Variants in KIF2A observed in about 807,000 individuals in gnomAD.
KIF2A encodes the protein kinesin family member 2A, also known as kinesin-like protein KIF2A.
Under a neutral mutation model 100.2 loss-of-function variants are expected in KIF2A, and 22 were observed. That is an observed-to-expected ratio of 0.22 (90% CI 0.16 to 0.31). The LOEUF is 0.31. Ranked by LOEUF, KIF2A falls within the 10% of genes least tolerant of loss-of-function variation. The pLI is 1.00. For synonymous variants in KIF2A, 268 were observed against 285.9 expected, an observed-to-expected ratio of 0.94 and a Z score of 0.63; for missense variants, 495 against 898.7, an observed-to-expected ratio of 0.55 and a Z score of 5.74.
At chr5:62,380,308 C>T (rs1741718692) in intron 19 of KIF2A, among the ~76,000 whole-genome samples, 1 of 152,218 alleles carries the variant, frequency 6.6e-6, no homozygotes, top group South Asian at 2.1e-4. Context: ...CTTTATTATG[C>T]ACATTCTTCC....
rs566602439 is a variant in KIF2A at position 62,387,836 on chromosome 5, TA to T, written c.*2268del. On this transcript the variant is annotated 3_prime_UTR_variant, in exon 21 of 21. Transcript: ENST00000407818. ...TGGATTATACATTAAGAACAAGCAT[TA>T]TTTTAATTATGTAGTAACATTTACT... is the stretch of plus-strand genomic sequence containing the variant. 137 of 152,256 alleles carry T rather than the reference TA, an allele frequency of 9.0e-4. No homozygotes were observed. Among genetic ancestry groups the T allele is most frequent in the African/African-American group, 3.1e-3 (129 of 41,568 alleles). The allele number at this position is 152,256 out of a possible 1,614,324, so 9.4% of individuals were successfully genotyped here. A position where few individuals can be genotyped will look rare whatever the true frequency, so the allele number is the denominator to read the frequency against.
rs190983779 is a variant in KIF2A at position 62,385,602 on chromosome 5, C to G, written c.*33C>G. 2.8e-4 allele frequency: 398 copies of G among 1,439,040 alleles called. 2 individuals are homozygous for G. In the East Asian group the frequency reaches 7.3e-3, roughly 26 times the overall value. The allele number at this position is 1,439,040 out of a possible 1,614,324, so 89.1% of individuals were successfully genotyped here. A position where few individuals can be genotyped will look rare whatever the true frequency, so the allele number is the denominator to read the frequency against. On this transcript the variant is annotated 3_prime_UTR_variant, in exon 21 of 21. Coordinates refer to ENST00000407818, the MANE Select transcript of KIF2A (RefSeq NM_001098511.3). ...TTTGCTGCTAAAGGATACCCAGAAC[C>G]CTCACTACTGTAACATACAACGGTT...
At chr5:62,354,633 T>TG (rs1748008268) in intron 6 of KIF2A, among the ~76,000 whole-genome samples, 1 of 152,088 alleles carries the variant, frequency 6.6e-6, no homozygotes, top group African/African-American at 2.4e-5. Flanking sequence ...TCTGTTGATT[T>TG]GGGGCAGTTT....
intron 14 of KIF2A, among the ~76,000 whole-genome samples, chr5:62,364,640 G>T (rs868375087): frequency 7.9e-5 from 12 of 152,240 alleles, no homozygotes; most frequent in African/African-American, 2.9e-4. Flanking sequence ...CTTTTGGAGT[G>T]CCATGTTAAG....
chr5:62,338,109 T>G (rs1419605806), intron 1 of KIF2A, among the ~76,000 whole-genome samples: 2 of 152,162 alleles, frequency 1.3e-5, no homozygotes, highest in African/African-American at 4.8e-5. Flanking sequence ...ATACTAAATG[T>G]AATTTTAGTT....
intron 1 of KIF2A, among the ~76,000 whole-genome samples, chr5:62,307,533 AATT>A (rs1485088083): frequency 8.5e-5 from 13 of 152,158 alleles, no homozygotes; most frequent in Admixed American, 8.5e-4. Context: ...AGATAAGTAA[AATT>A]ATTTTCTTTC....
At chr5:62,331,802 T>A (rs1424553270) in intron 1 of KIF2A, among the ~76,000 whole-genome samples, 2 of 151,222 alleles carry the variant, frequency 1.3e-5, no homozygotes, top group African/African-American at 4.9e-5. Flanking sequence ...ATCCTAGGTA[T>A]GTCAGAAACA....
At chr5:62,338,170 A>C (rs7704066) in intron 1 of KIF2A, among the ~76,000 whole-genome samples, 35,465 of 152,166 alleles carry the variant, frequency 0.23, 4,244 homozygotes, top group Middle Eastern at 0.29. Flanking sequence ...CACAGGTAGT[A>C]TTGCTGATAA....
At chr5:62,380,138 C>T (rs1212566051) in intron 19 of KIF2A, among the ~76,000 whole-genome samples, 2 of 152,226 alleles carry the variant, frequency 1.3e-5, no homozygotes, top group Non-Finnish European at 2.9e-5. Context: ...AAGTGATCCA[C>T]TTGCCTCAGC....
intron 1 of KIF2A, among the ~76,000 whole-genome samples, chr5:62,343,904 C>G (rs897445911): frequency 6.6e-6 from 1 of 152,160 alleles, no homozygotes; most frequent in African/African-American, 2.4e-5. Flanking sequence ...AATGCCTGGA[C>G]TTAAGACATA....
intron 19 of KIF2A, among the ~76,000 whole-genome samples, chr5:62,378,826 G>T (rs1047732737): frequency 6.6e-6 from 1 of 152,052 alleles, no homozygotes. Context: ...GCTGAGGTAG[G>T]ATTCCTTGAG....
intron 9 of KIF2A, among the ~76,000 whole-genome samples, chr5:62,359,922 CT>C (rs1748305323): frequency 6.6e-6 from 1 of 151,822 alleles, no homozygotes; most frequent in South Asian, 2.1e-4. Context: ...TCAGTTTTGC[CT>C]TTTACAAAAC....
At chr5:62,327,945 A>G (rs1479399562) in intron 1 of KIF2A, among the ~76,000 whole-genome samples, 4 of 152,232 alleles carry the variant, frequency 2.6e-5, no homozygotes, top group South Asian at 4.1e-4. Context: ...TGCTATGTAC[A>G]TGTAGCTGTG....
chr5:62,317,771 A>G (rs1398195591), intron 1 of KIF2A, among the ~76,000 whole-genome samples: 1 of 152,200 alleles, frequency 6.6e-6, no homozygotes, highest in African/African-American at 2.4e-5. Context: ...GAATTAGTTG[A>G]AGGACTTTTC....
At chr5:62,361,380 T>G in intron 10 of KIF2A, 48 bp downstream of exon 10, 1 of 1,471,642 alleles carries the variant, frequency 6.8e-7, no homozygotes, top group Non-Finnish European at 9.5e-7. Context: ...TACAGTTTCT[T>G]TTCCTTATAG....
rs759771074 is a variant in KIF2A, at chr5:62,352,707, C to G, written c.454C>G (p.Pro152Ala). 6.2e-7 allele frequency: 1 copy of G among 1,609,686 alleles called. No homozygotes were observed. The highest frequency in any genetic ancestry group is 2.2e-5 in the East Asian group (1 of 44,690). Residue 152 changes from proline (P) to alanine (A), a missense_variant, in exon 5 of 21, where the codon CCT becomes GCT. By Grantham distance (27) the Pro-to-Ala change is conservative (BLOSUM62 -1). Transcript: ENST00000407818. The stretch of plus-strand genomic sequence containing the variant: ...AGCTGCAAAAAAGGAATTTGGACCC[C>G]CTTGTATGTAAATTATGTATCAAGG... ...VQAAKKEFGP[P>A]SRRKSNCVKE...
rs377415252 is a variant in KIF2A, at chr5:62,386,736, G to A, written c.*1167G>A. Among the ~76,000 whole-genome samples the A allele has an allele frequency of 6.6e-6, 1 of 152,168 alleles. No individual in the cohort carries two copies. The highest frequency in any genetic ancestry group is 1.5e-5 in the Non-Finnish European group (1 of 68,022). On this transcript the variant is annotated 3_prime_UTR_variant, in exon 21 of 21. Coordinates refer to ENST00000407818, the MANE Select transcript of KIF2A (RefSeq NM_001098511.3). ...AAATGTGAAACTTCATTGTTGTTTG[G>A]TGAGAATCGCCAAATTCTCACTAAT...
At chr5:62,328,980 A>G (rs964595447) in intron 1 of KIF2A, among the ~76,000 whole-genome samples, 16 of 152,306 alleles carry the variant, frequency 1.1e-4, no homozygotes, top group Admixed American at 5.2e-4. Context: ...GAAACTGAGC[A>G]CTATTTTTTA....
intron 16 of KIF2A, among the ~76,000 whole-genome samples, chr5:62,369,821 T>C (rs1741239599): frequency 6.6e-6 from 1 of 152,218 alleles, no homozygotes; most frequent in South Asian, 2.1e-4. Context: ...GTCTTAAGTG[T>C]TTAAACTTTT....
Sources: allele counts gnomAD v4.1 joint callset (sites outside exome capture counted in the v4.1 genomes callset), GRCh38; gene constraint gnomAD v4.1.1; transcripts MANE v1.5; gene names NCBI Gene and HGNC (gene_info 2026-07-23, HGNC 2026-07-21).